DSCAM: variants seen among roughly 807,000 people sequenced by gnomAD.
DSCAM encodes DS cell adhesion molecule, also known as cell adhesion molecule DSCAM.
In DSCAM, 47 loss-of-function variants were observed where a neutral mutation model predicts 217.7. That is an observed-to-expected ratio of 0.22 (90% confidence interval 0.17 to 0.28). The LOEUF is 0.28. Among genes scored for constraint, DSCAM ranks in the 10% least tolerant of loss-of-function variants. The probability of loss-of-function intolerance (pLI) is 1.00; values close to 1 mark genes in which losing one functional copy is unlikely to be tolerated. For missense variants in DSCAM, 2,080 were observed against 2,618.3 expected, an observed-to-expected ratio of 0.79 and a Z score of 4.49; for synonymous variants, 1,056 against 1,015.3, an observed-to-expected ratio of 1.04 and a Z score of -0.76.
intron 27 of DSCAM, 50 bp from the exon 28 acceptor site, chr21:40,062,949 T>C (rs749841219): frequency 6.6e-7 from 1 of 1,517,072 alleles, no homozygotes. Context: ...TCATTAACAT[T>C]CACTTAGGCA....
At chr21:40,761,649 C>T (rs12482005) in intron 1 of DSCAM, among the ~76,000 whole-genome samples, 44,927 of 152,080 alleles carry the variant, frequency 0.3, 7,677 homozygotes, top group East Asian at 0.4. Context: ...GTTTGTGATG[C>T]TTTCTTAACA....
At chr21:40,685,340 C>T (rs2090461613) in intron 3 of DSCAM, among the ~76,000 whole-genome samples, 2 of 152,160 alleles carry the variant, frequency 1.3e-5, no homozygotes, top group Non-Finnish European at 2.9e-5. Context: ...GTTCCCACCA[C>T]CCTTAGAGTG....
intron 32 of DSCAM, among the ~76,000 whole-genome samples, chr21:40,038,659 A>C (rs1426817709): frequency 8.5e-6 from 1 of 117,870 alleles, no homozygotes; most frequent in Non-Finnish European, 1.7e-5. Context: ...CAGCCATCCC[A>C]TTACTGGGTA....
chr21:40,828,434 A>T (rs915822259), intron 1 of DSCAM, among the ~76,000 whole-genome samples: 1 of 152,028 alleles, frequency 6.6e-6, no homozygotes, highest in East Asian at 1.9e-4. Context: ...GTTGCTGTGA[A>T]CGGGATAAAT....
chr21:40,462,718 GA>G, intron 3 of DSCAM, among the ~76,000 whole-genome samples: 1 of 152,274 alleles, frequency 6.6e-6, no homozygotes, highest in East Asian at 1.9e-4. Context: ...ATCCCTAGGT[GA>G]TCTAATTGAT....
At chr21:40,376,638 ATATAGATATC>A (rs1199421787) in intron 3 of DSCAM, among the ~76,000 whole-genome samples, 12 of 54,636 alleles carry the variant, frequency 2.2e-4, no homozygotes, top group Non-Finnish European at 4.4e-4. Flanking sequence ...TATATATCTT[ATATAGATATC>A]GATATCTATA....
At chr21:40,155,230 C>T (rs1308235149) in intron 16 of DSCAM, among the ~76,000 whole-genome samples, 2 of 152,200 alleles carry the variant, frequency 1.3e-5, no homozygotes, top group African/African-American at 2.4e-5. Context: ...CAAGGGCATT[C>T]GGGCTTTGCT....
At chr21:40,718,383 G>A (rs1472325040) in intron 1 of DSCAM, among the ~76,000 whole-genome samples, 1 of 152,192 alleles carries the variant, frequency 6.6e-6, no homozygotes, top group African/African-American at 2.4e-5. Context: ...CCAAGACTGG[G>A]CAATTTACAA....
At chr21:40,178,879 T>G in intron 15 of DSCAM, 48 bp downstream of exon 15, 1 of 1,609,924 alleles carries the variant, frequency 6.2e-7, no homozygotes. Flanking sequence ...CCCTCAAGAG[T>G]TAGCTCCCGG....
At chr21:40,503,129 T>C (rs757114802) in intron 3 of DSCAM, among the ~76,000 whole-genome samples, 1 of 152,288 alleles carries the variant, frequency 6.6e-6, no homozygotes, top group Non-Finnish European at 1.5e-5. Context: ...ATTAAGAATA[T>C]CTATTATGCT....
At chr21:40,301,577 G>T (rs1029035795) in intron 9 of DSCAM, among the ~76,000 whole-genome samples, 2 of 110,418 alleles carry the variant, frequency 1.8e-5, no homozygotes, top group African/African-American at 1.2e-4. Context: ...GCTTCTCTGA[G>T]GCCTTAATTA....
At position 40,708,755 on chromosome 21, in the gene DSCAM, T is replaced by G. The variant is rs561991760; in HGVS notation, c.60A>C (p.Leu20=). 1 of 1,572,034 alleles carries G rather than the reference T, an allele frequency of 6.4e-7. No homozygotes were observed. Among genetic ancestry groups the G allele is most frequent in the South Asian group, 1.2e-5 (1 of 83,740 alleles). Reference sequence around the variant, plus strand: ...CATTGACAAAGTAGAGGCTGGAGTGTAGGTCTTCACTGAAAACTGCAAGAA... The same window carrying G: ...CATTGACAAAGTAGAGGCTGGAGTGGAGGTCTTCACTGAAAACTGCAAGAA... ...QSFANVFSED[L]HSSLYFVNAS... Residue 20 remains leucine, a synonymous_variant, in exon 2 of 33, where the codon CTA becomes CTC. Coordinates refer to ENST00000400454, the MANE Select transcript of DSCAM (RefSeq NM_001389.5).
chr21:40,754,870 C>T (rs2091260852), intron 1 of DSCAM, among the ~76,000 whole-genome samples: 1 of 152,180 alleles, frequency 6.6e-6, no homozygotes, highest in African/African-American at 2.4e-5. Flanking sequence ...CAGGGTTTTG[C>T]TCTGAGTTTC....
chr21:40,454,379 G>C (rs181784573), intron 3 of DSCAM, among the ~76,000 whole-genome samples: 2 of 152,188 alleles, frequency 1.3e-5, no homozygotes, highest in Admixed American at 1.3e-4. Flanking sequence ...TCAAAAGGAT[G>C]AAATGAAACC....
At chr21:40,585,818 G>T (rs1252630955) in intron 3 of DSCAM, among the ~76,000 whole-genome samples, 1 of 152,096 alleles carries the variant, frequency 6.6e-6, no homozygotes, top group Non-Finnish European at 1.5e-5. Flanking sequence ...CTGAGAGTTG[G>T]TTGTTAAAAA....
At chr21:40,674,318 A>G (rs1272369750) in intron 3 of DSCAM, among the ~76,000 whole-genome samples, 1 of 152,212 alleles carries the variant, frequency 6.6e-6, no homozygotes, top group Admixed American at 6.5e-5. Context: ...TTGTTGTAGC[A>G]TTAATTTTTA....
intron 27 of DSCAM, among the ~76,000 whole-genome samples, chr21:40,065,877 G>A (rs2089199134): frequency 6.6e-6 from 1 of 152,192 alleles, no homozygotes; most frequent in Non-Finnish European, 1.5e-5. Flanking sequence ...CACTGCAACA[G>A]CCCTCATTAG....
chr21:40,501,329 T>C lies in DSCAM; in HGVS notation c.509-132084A>G, dbSNP rs112877931. Among the ~76,000 whole-genome samples, 653 of 152,316 alleles carry C rather than the reference T, an allele frequency of 4.3e-3. 4 individuals are homozygous for C. The highest frequency in any genetic ancestry group is 0.024 in the Middle Eastern group (7 of 294). On this transcript the variant is annotated intron_variant, in intron 3 of 32. Coordinates refer to ENST00000400454, the MANE Select transcript of DSCAM (RefSeq NM_001389.5). ...TACATATTTGAAGTATTGTTATTAC[T>C]TCTGTCCCAAACACTAGAGGAAATG...
intron 9 of DSCAM, among the ~76,000 whole-genome samples, chr21:40,303,230 T>C (rs1260647742): frequency 6.6e-6 from 1 of 152,202 alleles, no homozygotes; most frequent in Admixed American, 6.5e-5. Context: ...GCCTGGCCTC[T>C]GCTTATATCT....
Sources: gnomAD v4.1 joint callset for allele counts (sites outside exome capture counted in the v4.1 genomes callset) on GRCh38, gnomAD v4.1.1 for gene constraint, MANE v1.5 for transcripts, NCBI Gene and HGNC (gene_info 2026-07-23, HGNC 2026-07-21) for gene names.